Variants in MOV10L1 observed in about 807,000 individuals in gnomAD.
The protein encoded by MOV10L1 is RNA helicase Mov10l1.
A neutral mutation model predicts 143.8 loss-of-function variants in MOV10L1; 110 were observed. The observed-to-expected ratio is 0.76, with a 90% CI of 0.66 to 0.90. The LOEUF (loss-of-function observed/expected upper bound fraction) is 0.90, where lower values mean the gene tolerates loss of function less well. Ranked by LOEUF, MOV10L1 falls within the 40% of genes least tolerant of loss-of-function variation. The pLI is 0.00. For missense variants in MOV10L1, 1,406 were observed against 1,526.8 expected (o/e 0.92, Z 1.32); for synonymous variants, 593 against 581.1 (o/e 1.02, Z -0.29).
chr22:50,121,145 G>A (rs1449044195), intron 10 of MOV10L1, among the ~76,000 whole-genome samples: 1 of 152,172 alleles, frequency 6.6e-6, no homozygotes, highest in African/African-American at 2.4e-5. Flanking sequence ...CTTTGTCCAG[G>A]AGGGTTTTTT....
chr22:50,120,998 G>T (rs988517473), intron 10 of MOV10L1, among the ~76,000 whole-genome samples: 17 of 152,216 alleles, frequency 1.1e-4, no homozygotes, highest in African/African-American at 4.1e-4. Context: ...GCAGGGCAAG[G>T]GTCCAGGGGA....
intron 1 of MOV10L1, chr22:50,090,540 G>A (rs546325738): frequency 1.7e-5 from 28 of 1,601,158 alleles, no homozygotes; most frequent in East Asian, 9.0e-5. Context: ...CGAAAAACGC[G>A]GCCCCGCAGA....
chr22:50,156,455 T>G (rs929647584), intron 22 of MOV10L1, among the ~76,000 whole-genome samples: 3 of 152,228 alleles, frequency 2.0e-5, no homozygotes, highest in African/African-American at 4.8e-5. Context: ...TTAAGTATAT[T>G]CACATTGTTT....
At chr22:50,107,278 G>A (rs1033446641) in intron 3 of MOV10L1, among the ~76,000 whole-genome samples, 10 of 150,834 alleles carry the variant, frequency 6.6e-5, no homozygotes, top group Non-Finnish European at 1.2e-4. Flanking sequence ...GTTTCACCGT[G>A]GTCTCGATCT....
chr22:50,130,649 T>TG (rs2062646213), intron 13 of MOV10L1, among the ~76,000 whole-genome samples: 1 of 149,456 alleles, frequency 6.7e-6, no homozygotes, highest in Admixed American at 6.9e-5. Context: ...GACCCAGGAA[T>TG]GGGAAGGAAG....
intron 1 of MOV10L1, chr22:50,090,706 C>G (rs1211486525): frequency 1.4e-6 from 1 of 697,732 alleles, no homozygotes; most frequent in Admixed American, 2.6e-5. Flanking sequence ...GACGGAGTTT[C>G]GCTCTTGTTG....
intron 13 of MOV10L1, among the ~76,000 whole-genome samples, chr22:50,132,394 A>C (rs1191685264): frequency 6.6e-6 from 1 of 152,130 alleles, no homozygotes; most frequent in Non-Finnish European, 1.5e-5. Context: ...TTTAAGGGAG[A>C]ATTGGAGAAT....
intron 10 of MOV10L1, among the ~76,000 whole-genome samples, chr22:50,123,947 T>C (rs779231285): frequency 4.6e-5 from 7 of 152,244 alleles, no homozygotes; most frequent in African/African-American, 9.6e-5. Flanking sequence ...CATACTCTTA[T>C]AATCCTTTTT....
At chr22:50,148,753 T>G (rs1430752721) in intron 19 of MOV10L1, among the ~76,000 whole-genome samples, 1 of 150,938 alleles carries the variant, frequency 6.6e-6, no homozygotes, top group Non-Finnish European at 1.5e-5. Context: ...AAGCTCCGCC[T>G]CCCAGGTTCA....
intron 15 of MOV10L1, among the ~76,000 whole-genome samples, chr22:50,137,789 A>T (rs9617101): frequency 5.3e-5 from 5 of 93,478 alleles, no homozygotes; most frequent in African/African-American, 1.0e-4. Context: ...TACATATATA[A>T]ATATACATAT....
chr22:50,114,765 G>C, intron 7 of MOV10L1, 143 bp downstream of exon 7: 1 of 1,281,654 alleles, frequency 7.8e-7, no homozygotes, highest in African/African-American at 1.5e-5. Context: ...TCGGCTTCAG[G>C]CCCTTCTCTT....
intron 13 of MOV10L1, among the ~76,000 whole-genome samples, chr22:50,131,046 A>G (rs950987589): frequency 6.9e-6 from 1 of 145,868 alleles, no homozygotes; most frequent in Admixed American, 6.9e-5. Context: ...ACAGGTGCCC[A>G]CCACCACGCC....
chr22:50,126,242 T>C lies in MOV10L1; in HGVS notation c.1788T>C (p.His596=). The C allele has an allele frequency of 6.2e-7, 1 of 1,612,586 alleles. No individual in the cohort carries two copies. Among genetic ancestry groups the C allele is most frequent in the Non-Finnish European group, 8.5e-7 (1 of 1,178,614 alleles). ...TAAAAACTCAAGAGTACAATGGACA[T>C]GCCATCGAATACATCAGCTACGTGA... The part of the protein sequence containing the change: ...LILKTQEYNG[H]AIEYISYVTE... Residue 596 remains histidine (H), a synonymous_variant, in exon 12 of 27, where the codon CAT becomes CAC. Coordinates refer to ENST00000262794, the MANE Select transcript of MOV10L1 (RefSeq NM_018995.3).
intron 19 of MOV10L1, chr22:50,146,921 A>T: frequency 1.4e-6 from 1 of 734,852 alleles, no homozygotes; most frequent in Non-Finnish European, 2.3e-6. Context: ...TGTATTTTAC[A>T]CTTAGAGCAT....
chr22:50,123,094 C>G (rs2062396397), intron 10 of MOV10L1, among the ~76,000 whole-genome samples: 3 of 151,378 alleles, frequency 2.0e-5, no homozygotes. Context: ...ACCTGTAATC[C>G]CAGCTACCTG....
At chr22:50,133,977 A>G (rs3736686) in intron 13 of MOV10L1, 30 bp from the exon 14 acceptor site, 255,147 of 1,589,136 alleles carry the variant, frequency 0.16, 21,648 homozygotes, top group East Asian at 0.25. Flanking sequence ...ATGTAAGGTT[A>G]GTTATTTTAT....
Position 50,090,289 on chromosome 22 carries a change from A to G in MOV10L1, c.97+104A>G, listed in dbSNP as rs1222517590. 6 of 1,446,066 alleles carry G rather than the reference A, an allele frequency of 4.1e-6. No individual in the cohort carries two copies. The South Asian group carries it at 7.3e-5, about 18-fold the overall frequency. 89.6% of individuals were successfully genotyped at this position (1,446,066 alleles called of 1,614,324 possible). On this transcript the variant is annotated intron_variant, in intron 1 of 26. Transcript: ENST00000262794. ...TTGAGTGCAGTGCGGGCCGGCAGGC[A>G]ACGCTGGGCCCGGCCTTTCCTCATC... is the stretch of plus-strand genomic sequence containing the variant.
chr22:50,121,859 T>C (rs1025205009), intron 10 of MOV10L1, among the ~76,000 whole-genome samples: 6 of 151,420 alleles, frequency 4.0e-5, no homozygotes, highest in African/African-American at 1.5e-4. Flanking sequence ...ATTTGAGTCC[T>C]CCAGCTTTGT....
chr22:50,155,041 G>A (rs1386920966), intron 22 of MOV10L1, among the ~76,000 whole-genome samples: 1 of 151,982 alleles, frequency 6.6e-6, no homozygotes, highest in Non-Finnish European at 1.5e-5. Context: ...ATCTTTCTTA[G>A]TCATTTTATT....
Sources: gnomAD v4.1 joint callset for allele counts (sites outside exome capture counted in the v4.1 genomes callset) on GRCh38, gnomAD v4.1.1 for gene constraint, MANE v1.5 for transcripts, NCBI Gene and HGNC (gene_info 2026-07-23, HGNC 2026-07-21) for gene names.